Variants in HCN1 observed in about 807,000 individuals in gnomAD.
The protein encoded by HCN1 is hyperpolarization activated cyclic nucleotide gated potassium channel 1.
In HCN1, 13 loss-of-function variants were observed where a neutral mutation model predicts 78.9. The observed-to-expected ratio is 0.16, with a 90% CI of 0.11 to 0.26. The LOEUF (loss-of-function observed/expected upper bound fraction) is 0.26. HCN1 is among the 10% of genes least tolerant of loss of function. The pLI, the probability that HCN1 is intolerant of heterozygous loss-of-function variation, is 1.00. For synonymous variants in HCN1, 552 were observed against 455.5 expected (o/e 1.21, Z -2.70); for missense variants, 810 against 1,154.3 (o/e 0.70, Z 4.32).
intron 2 of HCN1, among the ~76,000 whole-genome samples, chr5:45,545,657 T>G (rs1366990143): frequency 6.6e-6 from 1 of 152,188 alleles, no homozygotes; most frequent in Non-Finnish European, 1.5e-5. Flanking sequence ...GTTTCAGCTT[T>G]CTACATATGG....
intron 2 of HCN1, among the ~76,000 whole-genome samples, chr5:45,520,873 A>C (rs1186100198): frequency 1.3e-5 from 2 of 152,038 alleles, no homozygotes; most frequent in Non-Finnish European, 2.9e-5. Context: ...TCACATGTAC[A>C]ATGTCCAGTA....
chr5:45,502,559 T>C (rs1198235556), intron 2 of HCN1, among the ~76,000 whole-genome samples: 7 of 152,006 alleles, frequency 4.6e-5, no homozygotes, highest in Admixed American at 4.6e-4. Context: ...CTGGCCTTCA[T>C]TTTTCCTTTT....
At chr5:45,554,851 G>A (rs1743440487) in intron 2 of HCN1, among the ~76,000 whole-genome samples, 1 of 151,912 alleles carries the variant, frequency 6.6e-6, no homozygotes, top group South Asian at 2.1e-4. Flanking sequence ...ACATACAGGA[G>A]CATCTCACCC....
At chr5:45,415,062 T>C (rs1482329914) in intron 3 of HCN1, among the ~76,000 whole-genome samples, 1 of 152,068 alleles carries the variant, frequency 6.6e-6, no homozygotes, top group East Asian at 1.9e-4. Context: ...AATGTTAAAC[T>C]TAACCACCTG....
intron 2 of HCN1, among the ~76,000 whole-genome samples, chr5:45,541,163 C>A (rs148178239): frequency 2.6e-5 from 4 of 152,116 alleles, no homozygotes; most frequent in East Asian, 1.9e-4. Context: ...TACAATGGTA[C>A]AAAATGTTTA....
intron 2 of HCN1, among the ~76,000 whole-genome samples, chr5:45,526,600 T>C (rs535176150): frequency 2.3e-3 from 357 of 152,240 alleles, no homozygotes; most frequent in African/African-American, 8.1e-3. Context: ...GTTCTGAACC[T>C]TGGGTTTGGA....
intron 2 of HCN1, among the ~76,000 whole-genome samples, chr5:45,565,445 GA>G (rs1743687838): frequency 6.6e-6 from 1 of 152,118 alleles, no homozygotes; most frequent in African/African-American, 2.4e-5. Context: ...TATTTTAATG[GA>G]AAAGGCTGTG....
At chr5:45,504,676 C>T (rs1742260120) in intron 2 of HCN1, among the ~76,000 whole-genome samples, 4 of 152,180 alleles carry the variant, frequency 2.6e-5, no homozygotes, top group African/African-American at 9.7e-5. Flanking sequence ...AATCACCACA[C>T]TGTCTTCCAC....
Position 45,257,066 on chromosome 5 carries a change from C to T in HCN1, c.*4855G>A, listed in dbSNP as rs1199799928. Reference sequence around the variant, plus strand: ...GACCTTCCTTAGGACCCAGCATCCTCACAAGGCAGGGTGGGGTTGTAAATA... The same window carrying T: ...GACCTTCCTTAGGACCCAGCATCCTTACAAGGCAGGGTGGGGTTGTAAATA... On this transcript the variant is annotated 3_prime_UTR_variant, in exon 8 of 8. Coordinates refer to ENST00000303230, the MANE Select transcript of HCN1 (RefSeq NM_021072.4). The T allele has an allele frequency of 6.6e-6, 1 of 152,220 alleles. No homozygotes were observed. Among genetic ancestry groups the T allele is most frequent in the Non-Finnish European group, 1.5e-5 (1 of 68,048 alleles). 9.4% of individuals were successfully genotyped at this position (152,220 alleles called of 1,614,324 possible).
rs376329307 is a variant in HCN1, at chr5:45,599,668, T to G, written c.849+45517A>C. On this transcript the variant is annotated intron_variant, in intron 2 of 7. Transcript: ENST00000303230. ...TCTGTCAGTATCTGATACTTCTTAG[T>G]TAGAAAAATAATAGTCGAGTTGCTT... Among the ~76,000 whole-genome samples, 124 of 152,306 alleles carry G rather than the reference T, an allele frequency of 8.1e-4. 2 individuals are homozygous for G. In the South Asian group the frequency reaches 0.018, roughly 23 times the overall value.
chr5:45,267,987 G>A (rs1744894234), intron 6 of HCN1, among the ~76,000 whole-genome samples: 6 of 152,126 alleles, frequency 3.9e-5, no homozygotes, highest in Admixed American at 3.9e-4. Flanking sequence ...TATGAATTCT[G>A]GAAGGCAGAA....
intron 2 of HCN1, among the ~76,000 whole-genome samples, chr5:45,509,505 A>G (rs1042279611): frequency 1.6e-4 from 24 of 152,114 alleles, no homozygotes; most frequent in Admixed American, 3.9e-4. Flanking sequence ...GAAAGTTCAG[A>G]TTCTTCTCAG....
At position 45,596,190 on chromosome 5, in the gene HCN1, G is replaced by A. The variant is rs544704650; in HGVS notation, c.849+48995C>T. Among the ~76,000 whole-genome samples, 16 of 152,096 alleles carry A rather than the reference G, an allele frequency of 1.1e-4. No homozygotes were observed. The East Asian group carries it at 2.9e-3, about 28-fold the overall frequency. On this transcript the variant is annotated intron_variant, in intron 2 of 7. Coordinates refer to ENST00000303230, the MANE Select transcript of HCN1 (RefSeq NM_021072.4). Reference sequence around the variant, plus strand: ...TGGGATTACAGGCATGAGCCACCACGCCCAGCCCGGACTTATGATATTTTT... The same window carrying A: ...TGGGATTACAGGCATGAGCCACCACACCCAGCCCGGACTTATGATATTTTT...
In HCN1 at chr5:45,653,951, T is replaced by G. The variant is rs769284699; in HGVS notation, c.426-8343A>C. Among the ~76,000 whole-genome samples, 26 of 152,162 alleles carry G rather than the reference T, an allele frequency of 1.7e-4. No individual in the cohort carries two copies. The South Asian group carries it at 1.9e-3, about 11-fold the overall frequency. ...TAAATAAATAAATAAATATAATCAT[T>G]TGTTCTTTTGGATGATTTCAAAATT... On this transcript the variant is annotated intron_variant, in intron 1 of 7. Transcript: ENST00000303230.
intron 5 of HCN1, among the ~76,000 whole-genome samples, chr5:45,318,980 C>T (rs1746064362): frequency 6.6e-6 from 1 of 151,890 alleles, no homozygotes; most frequent in Admixed American, 6.6e-5. Flanking sequence ...TTCTTTTACT[C>T]ACCATTCTGT....
In HCN1 at chr5:45,458,662, T is replaced by A. The variant is rs112751176; in HGVS notation, c.1011+3184A>T. On this transcript the variant is annotated intron_variant, in intron 3 of 7. Coordinates refer to ENST00000303230, the MANE Select transcript of HCN1 (RefSeq NM_021072.4). ...CTATGCTGCACAAAACCGTCCAACA[T>A]GGTTTAGAGCAGAAATTACAGAGTC... is the stretch of plus-strand genomic sequence containing the variant. Among the ~76,000 whole-genome samples the A allele has an allele frequency of 7.4e-3, 1,126 of 152,246 alleles. 12 individuals carry two copies. Among genetic ancestry groups the A allele is most frequent in the African/African-American group, 0.026 (1,080 of 41,552 alleles).
In HCN1 at chr5:45,517,520, T is replaced by TAAAAAA. The variant is rs773490588; in HGVS notation, c.850-55519_850-55514dup. Among the ~76,000 whole-genome samples the TAAAAAA allele has an allele frequency of 5.5e-4, 52 of 94,374 alleles. 1 individual carries two copies. The highest frequency in any genetic ancestry group is 1.7e-3 in the African/African-American group (42 of 24,062). 61.9% of individuals were successfully genotyped at this position (94,374 alleles called of 152,430 possible). On this transcript the variant is annotated intron_variant, in intron 2 of 7. Coordinates refer to ENST00000303230, the MANE Select transcript of HCN1 (RefSeq NM_021072.4). ...AGAGATTGTATTCCCAATTTCCCCT[T>TAAAAAA]AAAAAAAAAAAAAAAAAAAAAAAAC...
chr5:45,295,196 C>T (rs1039736618), intron 6 of HCN1, among the ~76,000 whole-genome samples: 1 of 151,980 alleles, frequency 6.6e-6, no homozygotes, highest in African/African-American at 2.4e-5. Flanking sequence ...AATGGGAAGC[C>T]TAGAACTCCC....
chr5:45,672,009 T>G (rs1254316047), intron 1 of HCN1, among the ~76,000 whole-genome samples: 6 of 151,584 alleles, frequency 4.0e-5, no homozygotes, highest in African/African-American at 1.5e-4. Flanking sequence ...CTTTCTTTCC[T>G]GAATTTCAAC....
Sources: allele counts gnomAD v4.1 joint callset (sites outside exome capture counted in the v4.1 genomes callset), GRCh38; gene constraint gnomAD v4.1.1; transcripts MANE v1.5; gene names NCBI Gene and HGNC (gene_info 2026-07-23, HGNC 2026-07-21).